Variants in TTPA observed in about 807,000 individuals in gnomAD.
TTPA encodes the protein alpha-tocopherol transfer protein.
A neutral mutation model predicts 25.9 loss-of-function variants in TTPA; 23 were observed. The observed-to-expected ratio is 0.89, with a 90% CI of 0.64 to 1.26. The LOEUF is 1.26. Among genes scored for constraint, TTPA ranks in the 50% most tolerant of loss-of-function variants. TTPA has a pLI of 0.00. For missense variants in TTPA, 337 were observed against 353.1 expected (o/e 0.95, Z 0.37); for synonymous variants, 148 against 137.3 (o/e 1.08, Z -0.54).
chr8:63,080,611 A>G lies in TTPA; in HGVS notation c.204+5207T>C, dbSNP rs1236444846. Among the ~76,000 whole-genome samples, 28 of 151,884 alleles carry G rather than the reference A, an allele frequency of 1.8e-4. No homozygotes were observed. In the South Asian group the frequency reaches 5.8e-3, roughly 32 times the overall value. ...GTGGCGGGCGTCTGTAGTCCCAGCTACTGGGAGGCTGAGGTGGGAGAATGG... is the reference window on the plus strand; with the variant it reads ...GTGGCGGGCGTCTGTAGTCCCAGCTGCTGGGAGGCTGAGGTGGGAGAATGG... On this transcript the variant is annotated intron_variant, in intron 1 of 4. Coordinates refer to ENST00000260116, the MANE Select transcript of TTPA (RefSeq NM_000370.3).
chr8:63,081,926 A>C (rs1011337177), intron 1 of TTPA, among the ~76,000 whole-genome samples: 3 of 152,216 alleles, frequency 2.0e-5, no homozygotes, highest in African/African-American at 7.2e-5. Context: ...TAGGAATCCA[A>C]CTTACAAGGA....
At chr8:63,061,890 G>A (rs1213511244) in intron 4 of TTPA, among the ~76,000 whole-genome samples, 1 of 152,112 alleles carries the variant, frequency 6.6e-6, no homozygotes, top group Non-Finnish European at 1.5e-5. Context: ...ACAGTCGATG[G>A]ATACTGTTAG....
chr8:63,073,262 G>A (rs1253096175), intron 1 of TTPA, among the ~76,000 whole-genome samples, 174 bp from the exon 2 acceptor site: 3 of 152,108 alleles, frequency 2.0e-5, no homozygotes. Context: ...AGGATCTGAG[G>A]TGACAGGGGT....
intron 2 of TTPA, among the ~76,000 whole-genome samples, chr8:63,068,871 C>T (rs1048384099): frequency 7.2e-5 from 11 of 152,134 alleles, no homozygotes; most frequent in African/African-American, 2.7e-4. Context: ...CCTCAGATTT[C>T]TGGCCGGGCA....
At chr8:63,071,563 T>C (rs1805482811) in intron 2 of TTPA, among the ~76,000 whole-genome samples, 1 of 152,122 alleles carries the variant, frequency 6.6e-6, no homozygotes. Context: ...GGACAGAAGT[T>C]ATAGGTCACC....
chr8:63,066,514 G>A (rs919028694), intron 2 of TTPA, among the ~76,000 whole-genome samples: 17 of 152,176 alleles, frequency 1.1e-4, no homozygotes, highest in African/African-American at 4.8e-5. Flanking sequence ...GGAACAGGCA[G>A]GCAAGTTGAT....
At position 63,059,628 on chromosome 8, in the gene TTPA, A is replaced by C. The variant is rs1332144827; in HGVS notation, c.*1624T>G. Among the ~76,000 whole-genome samples the C allele has an allele frequency of 2.0e-5, 3 of 152,154 alleles. No individual in the cohort carries two copies. Among genetic ancestry groups the C allele is most frequent in the Non-Finnish European group, 4.4e-5 (3 of 68,014 alleles). ...TATTCTACATTTTCAAGTTTATAAC[A>C]AAATTAAGAAATTATAAAATACTAA... On this transcript the variant is annotated 3_prime_UTR_variant, in exon 5 of 5. Transcript: ENST00000260116.
In TTPA at chr8:63,060,895, C is replaced by T; in HGVS notation, c.*357G>A. ...AAGCGGAATATTTCTAAATTTTTTT[C>T]TAAACCAATTTAATCAGAGAACTTG... On this transcript the variant is annotated 3_prime_UTR_variant, in exon 5 of 5. Transcript: ENST00000260116. 5.5e-6 allele frequency: 1 copy of T among 182,908 alleles called. No homozygotes were observed. Among genetic ancestry groups the T allele is most frequent in the Non-Finnish European group, 1.2e-5 (1 of 85,768 alleles). The allele number at this position is 182,908 out of a possible 1,614,324, so 11.3% of individuals were successfully genotyped here.
chr8:63,078,779 G>T (rs1805612860), intron 1 of TTPA, among the ~76,000 whole-genome samples: 2 of 152,186 alleles, frequency 1.3e-5, no homozygotes, highest in African/African-American at 4.8e-5. Flanking sequence ...TATTATCCAG[G>T]AGAACTTCCC....
rs2129741645 is a variant in TTPA, at chr8:63,064,284, A to G, written c.585T>C (p.His195=). The G allele has an allele frequency of 6.2e-7, 1 of 1,613,120 alleles. No homozygotes were observed. The highest frequency in any genetic ancestry group is 8.5e-7 in the Non-Finnish European group (1 of 1,179,430). The change falls in exon 4 of 5, where the codon CAT becomes CAC. Residue 195 remains histidine, a synonymous_variant. Transcript: ENST00000260116. ...DSFPLKVRGI[H]LINEPVIFHA... is the part of the protein sequence containing the mutation. ...GGAAAATTACTGGTTCATTTATCAA[A>G]TGGATGCCACGAACTTTCAATGGAA...
chr8:63,077,370 G>C (rs1040279255), intron 1 of TTPA, among the ~76,000 whole-genome samples: 1 of 152,228 alleles, frequency 6.6e-6, no homozygotes, highest in Admixed American at 6.5e-5. Flanking sequence ...GCCTCACCCA[G>C]GAAGTGCAAA....
rs1805744682 is a variant in TTPA, at chr8:63,085,908, A to G, written c.114T>C (p.Ala38=). 6.5e-7 allele frequency: 1 copy of G among 1,527,402 alleles called. No individual in the cohort carries two copies. The highest frequency in any genetic ancestry group is 1.4e-5 in the African/African-American group (1 of 71,248). The allele number at this position is 1,527,402 out of a possible 1,614,324, so 94.6% of individuals were successfully genotyped here. A position where few individuals can be genotyped will look rare whatever the true frequency, so the allele number is the denominator to read the frequency against. The change falls in exon 1 of 5, where the codon GCT becomes GCC. Residue 38 remains alanine, a synonymous_variant. Coordinates refer to ENST00000260116, the MANE Select transcript of TTPA (RefSeq NM_000370.3). ...LAALRRRARE[A]GVPLAPLPLT... ...GCGGCAGCGGCGCGAGCGGGACGCCAGCTTCCCGGGCCCGGCGCCGCAGCG... is the reference window on the plus strand; with the variant it reads ...GCGGCAGCGGCGCGAGCGGGACGCCGGCTTCCCGGGCCCGGCGCCGCAGCG...
At chr8:63,080,398 G>A (rs946397094) in intron 1 of TTPA, among the ~76,000 whole-genome samples, 7 of 152,100 alleles carry the variant, frequency 4.6e-5, no homozygotes, top group Admixed American at 1.3e-4. Flanking sequence ...TTTTTGAAAC[G>A]ATCAACAAAA....
intron 2 of TTPA, among the ~76,000 whole-genome samples, chr8:63,067,553 A>C (rs6982424): frequency 0.04 from 6,073 of 151,940 alleles, 376 homozygotes; most frequent in African/African-American, 0.14. Flanking sequence ...AAAAAAAAAA[A>C]AACAACAAAA....
chr8:63,073,176 A>C lies in TTPA; in HGVS notation c.205-88T>G, dbSNP rs35505341. The C allele has an allele frequency of 1.3e-3, 1,383 of 1,088,640 alleles. 17 individuals are homozygous for C. The African/African-American group carries it at 0.02, about 16-fold the overall frequency. 67.4% of individuals were successfully genotyped at this position (1,088,640 alleles called of 1,614,324 possible). A position where few individuals can be genotyped will look rare whatever the true frequency, so the allele number is the denominator to read the frequency against. On this transcript the variant is annotated intron_variant, in intron 1 of 4. Coordinates refer to ENST00000260116, the MANE Select transcript of TTPA (RefSeq NM_000370.3). ...AAGAAAAGCTTTGGCATTGTGTATAAACTTTGCCATCCATTATGTCAAGAG... is the reference window on the plus strand; with the variant it reads ...AAGAAAAGCTTTGGCATTGTGTATACACTTTGCCATCCATTATGTCAAGAG...
chr8:63,076,566 C>T (rs1417887501), intron 1 of TTPA, among the ~76,000 whole-genome samples: 1 of 152,078 alleles, frequency 6.6e-6, no homozygotes, highest in African/African-American at 2.4e-5. Context: ...TCCTCAAGGG[C>T]ATGGTACAAT....
At position 63,086,017 on chromosome 8, in the gene TTPA, G is replaced by T. The variant is rs1294821041; in HGVS notation, c.5C>A (p.Ala2Glu). The T allele has an allele frequency of 7.0e-7, 1 of 1,429,782 alleles. No homozygotes were observed. Among genetic ancestry groups the T allele is most frequent in the Non-Finnish European group, 9.1e-7 (1 of 1,094,276 alleles). 88.6% of individuals were successfully genotyped at this position (1,429,782 alleles called of 1,614,324 possible). ...CGCCGAGGGCTGGGATCGCGCCTCT[G>T]CCATGCCCGCCGCCGCTGCTGCGGC... M[A>E]EARSQPSAGP... is the part of the protein sequence containing the mutation. The change falls in exon 1 of 5, where the codon GCA (alanine) becomes GAA (glutamate). Residue 2 changes from alanine to glutamate, a missense_variant. Physicochemically the swap from Ala to Glu is moderately radical, Grantham distance 107. Transcript: ENST00000260116.
At chr8:63,059,244 G>A (rs1805260508), downstream of TTPA, among the ~76,000 whole-genome samples, 1 of 142,012 alleles carries the variant, frequency 7.0e-6, no homozygotes, top group Non-Finnish European at 1.5e-5. Flanking sequence ...GTTTTAGCCG[G>A]GATGGTCTCG....
At chr8:63,077,525 C>T (rs552777725) in intron 1 of TTPA, among the ~76,000 whole-genome samples, 6 of 152,344 alleles carry the variant, frequency 3.9e-5, no homozygotes, top group South Asian at 2.1e-4. Context: ...CATGGCTTGG[C>T]GGGTCCAACA....
Sources: gnomAD v4.1 joint callset for allele counts (sites outside exome capture counted in the v4.1 genomes callset) on GRCh38, gnomAD v4.1.1 for gene constraint, MANE v1.5 for transcripts, NCBI Gene and HGNC (gene_info 2026-07-23, HGNC 2026-07-21) for gene names.